Variants in NRXN3 observed in about 807,000 individuals in gnomAD.
The protein encoded by NRXN3 is neurexin III.
A neutral mutation model predicts 137.6 loss-of-function variants in NRXN3; 32 were observed. The observed-to-expected ratio is 0.23, with a 90% CI of 0.18 to 0.31. The LOEUF (loss-of-function observed/expected upper bound fraction) is 0.31, where lower values mean the gene tolerates loss of function less well. Among genes scored for constraint, NRXN3 ranks in the 10% least tolerant of loss-of-function variants. The probability of loss-of-function intolerance (pLI) is 1.00; values close to 1 mark genes in which losing one functional copy is unlikely to be tolerated. For missense variants in NRXN3, 1,574 were observed against 2,062.5 expected (o/e 0.76, Z 4.59); for synonymous variants, 798 against 784.5 (o/e 1.02, Z -0.29).
chr14:78,739,546 A>G (rs1358180768), intron 8 of NRXN3, among the ~76,000 whole-genome samples: 5 of 152,182 alleles, frequency 3.3e-5, no homozygotes, highest in Non-Finnish European at 7.4e-5. Flanking sequence ...ATCTTGGCTC[A>G]CTGAAACCTC....
At chr14:78,388,613 C>G (rs1407882739) in intron 4 of NRXN3, among the ~76,000 whole-genome samples, 1 of 152,060 alleles carries the variant, frequency 6.6e-6, no homozygotes, top group Non-Finnish European at 1.5e-5. Flanking sequence ...TACTTTTGCT[C>G]TACGATGGTA....
intron 15 of NRXN3, among the ~76,000 whole-genome samples, chr14:79,268,530 A>T (rs2153421468): frequency 6.6e-6 from 1 of 152,308 alleles, no homozygotes. Flanking sequence ...AACATGTGGT[A>T]ATGTCCACAT....
At chr14:78,710,331 C>T (rs1337515363) in intron 7 of NRXN3, among the ~76,000 whole-genome samples, 1 of 149,510 alleles carries the variant, frequency 6.7e-6, no homozygotes, top group Non-Finnish European at 1.5e-5. Flanking sequence ...ACAAGCTAGC[C>T]CCAGGCAGTA....
chr14:79,367,299 C>T (rs2093934149), intron 15 of NRXN3, among the ~76,000 whole-genome samples: 1 of 152,110 alleles, frequency 6.6e-6, no homozygotes, highest in Non-Finnish European at 1.5e-5. Context: ...GTCTGACTGA[C>T]CAAATTTCAT....
At chr14:79,152,757 G>A (rs2059918796) in intron 15 of NRXN3, among the ~76,000 whole-genome samples, 1 of 151,984 alleles carries the variant, frequency 6.6e-6, no homozygotes. Context: ...CCCTTGACAT[G>A]TAAGGATTAT....
rs187656807 is a variant in NRXN3, at chr14:78,857,583, T to C, written c.2275+47239T>C. On this transcript the variant is annotated intron_variant, in intron 10 of 20. Transcript: ENST00000335750. ...TTTATATCCATAAATATGCATCTAC[T>C]ATGTGAAACATCTCTTAAGGGATAT... Among the ~76,000 whole-genome samples, 252 of 152,316 alleles carry C rather than the reference T, an allele frequency of 1.7e-3. 1 individual carries two copies. The highest frequency in any genetic ancestry group is 5.5e-3 in the African/African-American group (227 of 41,572).
rs149014508 is a variant in NRXN3, at chr14:78,183,170, C to G, written c.-704+12496C>G. ...CTGAAAGGAAGCTCCATTTTTCTTCCTTCTGGCAAGAACCATCAGGCCAGC... is the reference window on the plus strand; with the variant it reads ...CTGAAAGGAAGCTCCATTTTTCTTCGTTCTGGCAAGAACCATCAGGCCAGC... On this transcript the variant is annotated intron_variant, in intron 1 of 20. Coordinates refer to ENST00000335750, the MANE Select transcript of NRXN3 (RefSeq NM_001330195.2). Among the ~76,000 whole-genome samples, 745 of 152,304 alleles carry G rather than the reference C, an allele frequency of 4.9e-3. 9 individuals are homozygous for G. Among genetic ancestry groups the G allele is most frequent in the African/African-American group, 0.017 (698 of 41,558 alleles).
At chr14:78,987,924 T>G in intron 14 of NRXN3, 98 bp from the exon 15 acceptor site, 10 of 1,361,464 alleles carry the variant, frequency 7.3e-6, no homozygotes, top group African/African-American at 1.5e-5. Context: ...TTTGGGGGCA[T>G]GAGAATGGTA....
chr14:78,919,561 A>C (rs2099265500), intron 10 of NRXN3, among the ~76,000 whole-genome samples: 1 of 152,312 alleles, frequency 6.6e-6, no homozygotes, highest in East Asian at 1.9e-4. Flanking sequence ...AAATGACAGC[A>C]ACCCTGTTCT....
chr14:79,220,635 G>C (rs950093217), intron 15 of NRXN3, among the ~76,000 whole-genome samples: 1 of 151,940 alleles, frequency 6.6e-6, no homozygotes, highest in Admixed American at 6.6e-5. Flanking sequence ...TGTCCCCATA[G>C]TTTTGCATTT....
In NRXN3 at chr14:78,645,237, G is replaced by A. The variant is rs2097675104; in HGVS notation, c.875G>A (p.Arg292His). The part of the protein sequence containing the change: ...EITLSFKTWQ[R>H]NGLILHTGKS... ...ACCCTCTCCTTTAAGACCTGGCAGC[G>A]TAACGGCCTCATCCTGCACACGGGC... The change falls in exon 5 of 21, where the codon CGT becomes CAT. Residue 292 changes from arginine (R) to histidine (H), a missense_variant. Physicochemically the swap from Arg to His is conservative, Grantham distance 29 (BLOSUM62 0). Transcript: ENST00000335750. The A allele has an allele frequency of 1.9e-6, 3 of 1,598,770 alleles. No individual in the cohort carries two copies. The highest frequency in any genetic ancestry group is 2.5e-6 in the Non-Finnish European group (3 of 1,179,782).
intron 4 of NRXN3, among the ~76,000 whole-genome samples, chr14:78,300,872 A>T (rs973557476): frequency 9.2e-5 from 14 of 152,172 alleles, no homozygotes; most frequent in African/African-American, 3.4e-4. Flanking sequence ...AGTGCATTTC[A>T]TGTTCAGTGT....
intron 15 of NRXN3, among the ~76,000 whole-genome samples, chr14:79,041,660 G>A (rs375772492): frequency 3.0e-4 from 45 of 152,106 alleles, no homozygotes; most frequent in African/African-American, 1.0e-3. Context: ...AGGAAAGTGA[G>A]GCTCACTTCT....
chr14:78,660,909 G>A (rs1439267435), intron 6 of NRXN3, among the ~76,000 whole-genome samples: 2 of 152,162 alleles, frequency 1.3e-5, no homozygotes, highest in Non-Finnish European at 2.9e-5. Flanking sequence ...ACAGACAAAA[G>A]TAGGAAATGT....
intron 6 of NRXN3, among the ~76,000 whole-genome samples, chr14:78,703,040 C>A (rs2098304089): frequency 6.6e-6 from 1 of 152,118 alleles, no homozygotes; most frequent in South Asian, 2.1e-4. Flanking sequence ...AGGGTGTCTC[C>A]AAAGGCCATA....
chr14:79,794,008 C>T (rs1233976363), intron 19 of NRXN3, among the ~76,000 whole-genome samples: 6 of 152,192 alleles, frequency 3.9e-5, no homozygotes, highest in Non-Finnish European at 7.3e-5. Flanking sequence ...CTTCAGCCTA[C>T]CGATGCATCA....
intron 15 of NRXN3, among the ~76,000 whole-genome samples, chr14:79,156,372 A>G (rs1434062943): frequency 1.3e-5 from 2 of 151,846 alleles, no homozygotes; most frequent in African/African-American, 4.8e-5. Context: ...ATAAGAGGCT[A>G]TATTTCATTA....
intron 4 of NRXN3, among the ~76,000 whole-genome samples, chr14:78,605,827 T>C (rs1369836599): frequency 6.6e-6 from 1 of 152,228 alleles, no homozygotes; most frequent in Non-Finnish European, 1.5e-5. Context: ...CTGCTACATG[T>C]AAATATTGGA....
intron 6 of NRXN3, among the ~76,000 whole-genome samples, chr14:78,681,936 C>T (rs746051626): frequency 7.9e-5 from 12 of 152,024 alleles, no homozygotes; most frequent in African/African-American, 1.7e-4. Flanking sequence ...GGCACAACCT[C>T]GGCCCACTGC....
Sources: gnomAD v4.1 joint callset for allele counts (sites outside exome capture counted in the v4.1 genomes callset) on GRCh38, gnomAD v4.1.1 for gene constraint, MANE v1.5 for transcripts, NCBI Gene and HGNC (gene_info 2026-07-23, HGNC 2026-07-21) for gene names.